Variants in ANKHD1 observed in about 807,000 individuals in gnomAD.
ANKHD1 encodes ankyrin repeat and KH domain-containing protein 1.
Under a neutral mutation model 230.5 loss-of-function variants are expected in ANKHD1, and 31 were observed. The ratio of observed to expected loss-of-function variants is 0.13; its 90% confidence interval spans 0.10 to 0.18. The LOEUF is 0.18. Ranked by LOEUF, ANKHD1 falls within the 10% of genes least tolerant of loss-of-function variation. The pLI is 1.00. For missense variants in ANKHD1, 2,256 were observed against 3,071.3 expected (o/e 0.73, Z 6.27); for synonymous variants, 1,074 against 1,117.6 (o/e 0.96, Z 0.78).
intron 9 of ANKHD1, among the ~76,000 whole-genome samples, chr5:140,464,254 T>C (rs1276141803): frequency 1.3e-5 from 2 of 151,510 alleles, no homozygotes; most frequent in African/African-American, 4.9e-5. Flanking sequence ...AAAACTTATA[T>C]CTGTGTTTTC....
At chr5:140,430,486 T>C (rs974939407) in intron 1 of ANKHD1, among the ~76,000 whole-genome samples, 1 of 152,194 alleles carries the variant, frequency 6.6e-6, no homozygotes, top group Non-Finnish European at 1.5e-5. Context: ...ATTCATTTGC[T>C]TGATGAAGAC....
At position 140,507,245 on chromosome 5, in the gene ANKHD1, C is replaced by T. The variant is rs1230197463; in HGVS notation, c.3551+268C>T. ...GCCCAATCTCATCTGATCTCAGAAACGGTATTTTATTTTATATAGTTGGAA... is the reference window on the plus strand; with the variant it reads ...GCCCAATCTCATCTGATCTCAGAAATGGTATTTTATTTTATATAGTTGGAA... On this transcript the variant is annotated intron_variant, in intron 19 of 33. Transcript: ENST00000360839. This position sits in a 1 kb window ranked among gnomAD's most constrained non-coding sequence, Gnocchi z 4.1. Among the ~76,000 whole-genome samples, 1 of 152,132 alleles carries T rather than the reference C, an allele frequency of 6.6e-6. No individual in the cohort carries two copies. The highest frequency in any genetic ancestry group is 1.5e-5 in the Non-Finnish European group (1 of 68,030).
chr5:140,439,692 C>G (rs968399571), intron 3 of ANKHD1, among the ~76,000 whole-genome samples: 1 of 150,824 alleles, frequency 6.6e-6, no homozygotes, highest in South Asian at 2.1e-4. Flanking sequence ...AAACAAAATA[C>G]AAACACTAAT....
intron 10 of ANKHD1, among the ~76,000 whole-genome samples, chr5:140,475,535 G>A (rs1422578484): frequency 2.0e-5 from 3 of 151,936 alleles, no homozygotes; most frequent in African/African-American, 4.8e-5. Context: ...TATCCAGGTT[G>A]TATGTAAAAA....
chr5:140,464,686 A>G lies in ANKHD1; in HGVS notation c.1692A>G (p.Thr564=). 1 of 1,600,868 alleles carries G rather than the reference A, an allele frequency of 6.2e-7. No individual in the cohort carries two copies. Among genetic ancestry groups the G allele is most frequent in the African/African-American group, 1.3e-5 (1 of 74,892 alleles). Residue 564 remains threonine (T), a synonymous_variant, in exon 10 of 34, where the codon ACA becomes ACG. Transcript: ENST00000360839. ...LLASGANVHA[T]TATGDTALTY... is the part of the protein sequence containing the mutation. ...TGCTAGGCGCTAATGTGCATGCTAC[A>G]ACAGCAACAGGAGACACAGCCTTAA...
At chr5:140,534,317 G>A (rs1044546011) in intron 29 of ANKHD1, among the ~76,000 whole-genome samples, 5 of 151,938 alleles carry the variant, frequency 3.3e-5, no homozygotes, top group African/African-American at 1.2e-4. Flanking sequence ...GCATGAACCC[G>A]GGAGGCGGAG....
At chr5:140,418,785 C>T (rs1405340039) in intron 1 of ANKHD1, among the ~76,000 whole-genome samples, 4 of 152,218 alleles carry the variant, frequency 2.6e-5, no homozygotes, top group South Asian at 2.1e-4. Context: ...GGCTGCAGTG[C>T]AGTGGGGCAG....
Position 140,402,159 on chromosome 5 carries a change from C to T in ANKHD1, c.192C>T (p.Ser64=). The change falls in exon 1 of 34, where the codon AGC becomes AGT. Residue 64 remains serine (S), a synonymous_variant. Transcript: ENST00000360839. ...TCGGCAGCAGCGGCGGCGGCGGCAG[C>T]GGCAGCGGTACGGGCGGAGGGGACG... ...SGVGSSGGGG[S]GSGTGGGDAA... 6.5e-7 allele frequency: 1 copy of T among 1,528,932 alleles called. No individual in the cohort carries two copies. The allele number at this position is 1,528,932 out of a possible 1,614,324, so 94.7% of individuals were successfully genotyped here.
chr5:140,457,518 G>A (rs1581274776), intron 7 of ANKHD1, among the ~76,000 whole-genome samples: 1 of 152,130 alleles, frequency 6.6e-6, no homozygotes, highest in Admixed American at 6.5e-5. Flanking sequence ...GGAATACTAT[G>A]CAGCCATAAA....
At chr5:140,474,769 A>T (rs987061620) in intron 10 of ANKHD1, among the ~76,000 whole-genome samples, 2 of 151,418 alleles carry the variant, frequency 1.3e-5, no homozygotes, top group Admixed American at 6.6e-5. Context: ...GCTAATTTTT[A>T]AATTTTTTTT....
chr5:140,405,024 G>A (rs1452956288), intron 1 of ANKHD1, among the ~76,000 whole-genome samples: 2 of 146,896 alleles, frequency 1.4e-5, no homozygotes, highest in Non-Finnish European at 3.0e-5. Flanking sequence ...TATGTGTAAT[G>A]GTCTTTGGAG....
rs1753719764 is a variant in ANKHD1, at chr5:140,529,330, A to G, written c.6384A>G (p.Val2128=). 17 of 1,614,114 alleles carry G rather than the reference A, an allele frequency of 1.1e-5. No individual in the cohort carries two copies. The highest frequency in any genetic ancestry group is 1.4e-5 in the Non-Finnish European group (16 of 1,180,052). The change falls in exon 29 of 34, where the codon GTA becomes GTG. Residue 2128 remains valine, a synonymous_variant. Coordinates refer to ENST00000360839, the MANE Select transcript of ANKHD1 (RefSeq NM_017747.3). ...CCAGTAATTTACCTCAGTTAGCTGT[A>G]CCAGCACCTCGAGTTTCTCATCGAA... ...QDTSNLPQLA[V]PAPRVSHRMQ...
chr5:140,407,483 C>A (rs977396376), intron 1 of ANKHD1, among the ~76,000 whole-genome samples: 1 of 151,286 alleles, frequency 6.6e-6, no homozygotes, highest in African/African-American at 2.4e-5. Context: ...TAGTTCACTG[C>A]AACCTCGAAT....
intron 7 of ANKHD1, among the ~76,000 whole-genome samples, chr5:140,454,377 A>G (rs1046193065): frequency 3.9e-5 from 6 of 152,232 alleles, no homozygotes; most frequent in African/African-American, 9.6e-5. Flanking sequence ...AGGCATCTAC[A>G]GAACTCTCCA....
intron 1 of ANKHD1, among the ~76,000 whole-genome samples, chr5:140,415,950 A>C (rs1047744270): frequency 1.3e-5 from 2 of 151,596 alleles, no homozygotes. Flanking sequence ...CCCTGACCCC[A>C]CGACAGGCCC....
chr5:140,438,510 G>T lies in ANKHD1; in HGVS notation c.510G>T (p.Glu170Asp). 1.9e-6 allele frequency: 3 copies of T among 1,613,096 alleles called. No homozygotes were observed. Among genetic ancestry groups the T allele is most frequent in the Non-Finnish European group, 2.5e-6 (3 of 1,179,408 alleles). ...ATGGTAAAGCTTTTGCAGATCCTGA[G>T]GTACTCCGGAGACTGACATCCTCAG... is the stretch of plus-strand genomic sequence containing the variant. Reference protein sequence around the residue: ...TADGKAFADPEVLRRLTSSVS... With the variant: ...TADGKAFADPDVLRRLTSSVS... The change falls in exon 3 of 34, where the codon GAG becomes GAT. Residue 170 changes from glutamate (E) to aspartate (D), a missense_variant. Physicochemically the swap from Glu to Asp is conservative, Grantham distance 45 (BLOSUM62 2). Coordinates refer to ENST00000360839, the MANE Select transcript of ANKHD1 (RefSeq NM_017747.3).
At chr5:140,402,468 C>T (rs1221708337) in intron 1 of ANKHD1, among the ~76,000 whole-genome samples, 195 bp downstream of exon 1, 1 of 152,200 alleles carries the variant, frequency 6.6e-6, no homozygotes, top group Non-Finnish European at 1.5e-5. Context: ...GGACAGGTTC[C>T]CGTCACCATT....
At chr5:140,514,018 C>CA (rs1374731380) in intron 24 of ANKHD1, among the ~76,000 whole-genome samples, 3 of 146,746 alleles carry the variant, frequency 2.0e-5, no homozygotes, top group Non-Finnish European at 3.0e-5. Context: ...CCCATCTCTA[C>CA]AAAAAAAAGT....
intron 2 of ANKHD1, among the ~76,000 whole-genome samples, chr5:140,437,412 T>G (rs1773530432): frequency 6.6e-6 from 1 of 152,206 alleles, no homozygotes; most frequent in Admixed American, 6.5e-5. Context: ...ATTTAAAATT[T>G]TAGCAACTGG....
Sources: gnomAD v4.1 joint callset for allele counts (sites outside exome capture counted in the v4.1 genomes callset) on GRCh38, gnomAD v4.1.1 for gene constraint, Gnocchi (gnomAD v3.1) non-coding constraint, MANE v1.5 for transcripts, NCBI Gene and HGNC (gene_info 2026-07-23, HGNC 2026-07-21) for gene names.